PCDHAC1: variants seen among roughly 807,000 people sequenced by gnomAD.
PCDHAC1 encodes the protein protocadherin alpha-C1.
A neutral mutation model predicts 60.0 loss-of-function variants in PCDHAC1; 42 were observed. The observed-to-expected ratio is 0.70, with a 90% confidence interval of 0.55 to 0.90. The LOEUF is 0.90. Among genes scored for constraint, PCDHAC1 ranks in the 40% least tolerant of loss-of-function variants. The probability of loss-of-function intolerance (pLI) is 0.00; values close to 1 mark genes in which losing one functional copy is unlikely to be tolerated. For missense variants in PCDHAC1, 1,160 were observed against 1,222.3 expected, an observed-to-expected ratio of 0.95 and a Z score of 0.76; for synonymous variants, 468 against 499.3, an observed-to-expected ratio of 0.94 and a Z score of 0.84.
intron 1 of PCDHAC1, 154 bp downstream of exon 1, chr5:140,929,479 A>G (rs2086187931): frequency 4.2e-6 from 5 of 1,193,216 alleles, no homozygotes; most frequent in Admixed American, 3.2e-5. Context: ...CTGGAAGTAT[A>G]GAAGTATTAG....
At chr5:141,008,015 T>C (rs2098356412) in intron 3 of PCDHAC1, among the ~76,000 whole-genome samples, 1 of 152,088 alleles carries the variant, frequency 6.6e-6, no homozygotes. Flanking sequence ...TTCTGTTTCC[T>C]TTTTTTTCTT....
intron 2 of PCDHAC1, among the ~76,000 whole-genome samples, chr5:140,980,367 C>A (rs1245361324): frequency 2.6e-5 from 4 of 152,174 alleles, no homozygotes; most frequent in Non-Finnish European, 5.9e-5. Flanking sequence ...CGCGGTGGCT[C>A]ACACCTGTAA....
chr5:140,928,808 G>A lies in PCDHAC1; in HGVS notation c.1916G>A (p.Arg639Gln), dbSNP rs782344407. ...AVKQRVVVVV[R>Q]DHGDPPLSSS... Reference sequence around the variant, plus strand: ...AAGCAGAGGGTGGTGGTAGTGGTTCGGGACCATGGAGACCCACCACTTTCC... The same window carrying A: ...AAGCAGAGGGTGGTGGTAGTGGTTCAGGACCATGGAGACCCACCACTTTCC... Residue 639 changes from arginine (R) to glutamine (Q), a missense_variant, in exon 1 of 4, where the codon CGG becomes CAG. Coordinates refer to ENST00000253807, the MANE Select transcript of PCDHAC1 (RefSeq NM_018898.5). 3 of 1,614,062 alleles carry A rather than the reference G, an allele frequency of 1.9e-6. No individual in the cohort carries two copies. Among genetic ancestry groups the A allele is most frequent in the Non-Finnish European group, 2.5e-6 (3 of 1,180,036 alleles).
chr5:141,005,563 A>G (rs938722871), intron 3 of PCDHAC1, among the ~76,000 whole-genome samples: 4 of 151,458 alleles, frequency 2.6e-5, no homozygotes, highest in East Asian at 1.9e-4. Context: ...TTAGCCGGGC[A>G]TGGTGGCGCG....
chr5:140,996,524 C>A (rs1303736536), intron 3 of PCDHAC1, among the ~76,000 whole-genome samples: 3 of 152,048 alleles, frequency 2.0e-5, no homozygotes, highest in African/African-American at 7.2e-5. Flanking sequence ...TTAGAAAGGC[C>A]CTGTGTGTTT....
In PCDHAC1 at chr5:141,010,735, T is replaced by G. The variant is rs192374006; in HGVS notation, c.*798T>G. On this transcript the variant is annotated 3_prime_UTR_variant, in exon 4 of 4. Coordinates refer to ENST00000253807, the MANE Select transcript of PCDHAC1 (RefSeq NM_018898.5). ...GTGCTCACTTTATTAAAAATTCTTT[T>G]GCACACAATGTTTATGAAAAGGCCA... The G allele has an allele frequency of 6.5e-6, 1 of 154,174 alleles. No individual in the cohort carries two copies. The highest frequency in any genetic ancestry group is 1.5e-5 in the Non-Finnish European group (1 of 68,224). 9.6% of individuals were successfully genotyped at this position (154,174 alleles called of 1,614,324 possible). A position where few individuals can be genotyped will look rare whatever the true frequency, so the allele number is the denominator to read the frequency against.
At position 140,928,697 on chromosome 5, in the gene PCDHAC1, G is replaced by C; in HGVS notation, c.1805G>C (p.Arg602Pro). 5.6e-6 allele frequency: 9 copies of C among 1,614,124 alleles called. No homozygotes were observed. Among genetic ancestry groups the C allele is most frequent in the Non-Finnish European group, 5.9e-6 (7 of 1,180,030 alleles). ...GCCTGGCTTTCCTACCACATCTCCC[G>C]GGCGTCTGACTCTAGTCTCTTTAGA... ...SNAWLSYHIS[R>P]ASDSSLFRIS... Residue 602 changes from arginine to proline, a missense_variant, in exon 1 of 4, where the codon CGG (arginine) becomes CCG (proline). Transcript: ENST00000253807.
chr5:140,994,394 T>C (rs1332946220), intron 3 of PCDHAC1, among the ~76,000 whole-genome samples: 1 of 152,110 alleles, frequency 6.6e-6, no homozygotes, highest in African/African-American at 2.4e-5. Flanking sequence ...AGTCAGAGAT[T>C]ATTTGACATT....
intron 1 of PCDHAC1, among the ~76,000 whole-genome samples, chr5:140,965,456 G>A (rs2095902676): frequency 6.6e-6 from 1 of 151,710 alleles, no homozygotes; most frequent in Admixed American, 6.6e-5. Context: ...GTTATTGTAA[G>A]ATAAATCCCA....
intron 1 of PCDHAC1, among the ~76,000 whole-genome samples, chr5:140,952,614 T>C (rs1381315866): frequency 6.6e-6 from 1 of 152,170 alleles, no homozygotes; most frequent in African/African-American, 2.4e-5. Flanking sequence ...CTCTCCCTCA[T>C]CTTCCCTCCA....
At chr5:140,972,797 G>A (rs1563419152) in intron 1 of PCDHAC1, among the ~76,000 whole-genome samples, 3 of 151,664 alleles carry the variant, frequency 2.0e-5, no homozygotes, top group Admixed American at 2.0e-4. Flanking sequence ...CTGAGTAGCT[G>A]AGATTACAGG....
chr5:140,935,870 T>C (rs1486682424), intron 1 of PCDHAC1, among the ~76,000 whole-genome samples: 1 of 151,620 alleles, frequency 6.6e-6, no homozygotes, highest in East Asian at 1.9e-4. Context: ...TAGCAATTAA[T>C]GAGCTCCAAT....
intron 1 of PCDHAC1, chr5:140,966,880 C>T (rs1554228837): frequency 1.3e-6 from 2 of 1,588,288 alleles, no homozygotes; most frequent in Admixed American, 3.5e-5. Flanking sequence ...TGCTACCTGG[C>T]CCTGCGGCCT....
intron 3 of PCDHAC1, among the ~76,000 whole-genome samples, chr5:140,984,886 C>A (rs1254649508): frequency 1.3e-5 from 2 of 151,720 alleles, no homozygotes; most frequent in Non-Finnish European, 2.9e-5. Context: ...ACCATGAGAA[C>A]TAAAGGAGAA....
chr5:141,009,760 A>G lies in PCDHAC1; in HGVS notation c.2715A>G (p.Gly905=), dbSNP rs782167920. The change falls in exon 4 of 4, where the codon GGA becomes GGG. Residue 905 remains glycine, a synonymous_variant. Coordinates refer to ENST00000253807, the MANE Select transcript of PCDHAC1 (RefSeq NM_018898.5). ...GELPDKFIIP[G]SPAIISIRQE... ...TGCCCGACAAATTCATTATCCCAGGATCTCCTGCAATCATCTCCATCCGGC... is the reference window on the plus strand; with the variant it reads ...TGCCCGACAAATTCATTATCCCAGGGTCTCCTGCAATCATCTCCATCCGGC... 6.2e-7 allele frequency: 1 copy of G among 1,614,130 alleles called. No homozygotes were observed. Among genetic ancestry groups the G allele is most frequent in the Non-Finnish European group, 8.5e-7 (1 of 1,180,026 alleles).
chr5:140,944,999 G>A (rs2093721816), intron 1 of PCDHAC1, among the ~76,000 whole-genome samples: 1 of 151,896 alleles, frequency 6.6e-6, no homozygotes, highest in Non-Finnish European at 1.5e-5. Context: ...TAACGGTTGT[G>A]GGTCATGAAT....
In PCDHAC1 at chr5:141,011,833, C is replaced by T. The variant is rs1223674434; in HGVS notation, c.*1896C>T. 6.5e-6 allele frequency: 1 copy of T among 153,366 alleles called. No individual in the cohort carries two copies. Among genetic ancestry groups the T allele is most frequent in the Non-Finnish European group, 1.5e-5 (1 of 67,994 alleles). 9.5% of individuals were successfully genotyped at this position (153,366 alleles called of 1,614,324 possible). On this transcript the variant is annotated 3_prime_UTR_variant, in exon 4 of 4. Transcript: ENST00000253807. ...TAGAAAGTAACAAAATTTGCTGTCA[C>T]CTTAAATAAGACATTTTAATTTTGT...
chr5:140,968,935 C>T, intron 1 of PCDHAC1: 1 of 1,614,172 alleles, frequency 6.2e-7, no homozygotes, highest in Non-Finnish European at 8.5e-7. Context: ...TTTTGACAAT[C>T]ATCATTTTGA....
At position 141,010,447 on chromosome 5, in the gene PCDHAC1, A is replaced by G. The variant is rs1343052000; in HGVS notation, c.*510A>G. On this transcript the variant is annotated 3_prime_UTR_variant, in exon 4 of 4. Coordinates refer to ENST00000253807, the MANE Select transcript of PCDHAC1 (RefSeq NM_018898.5). Reference sequence around the variant, plus strand: ...GGCAAGAAAACAAAGACAAATAAACAGCGGAAGTTATCAGTATGGAGGGGA... The same window carrying G: ...GGCAAGAAAACAAAGACAAATAAACGGCGGAAGTTATCAGTATGGAGGGGA... 2 of 935,278 alleles carry G rather than the reference A, an allele frequency of 2.1e-6. No homozygotes were observed. Among genetic ancestry groups the G allele is most frequent in the Non-Finnish European group, 3.1e-6 (2 of 648,428 alleles). The allele number at this position is 935,278 out of a possible 1,614,324, so 57.9% of individuals were successfully genotyped here.
Sources: gnomAD v4.1 joint callset for allele counts (sites outside exome capture counted in the v4.1 genomes callset) on GRCh38, gnomAD v4.1.1 for gene constraint, MANE v1.5 for transcripts, NCBI Gene and HGNC (gene_info 2026-07-23, HGNC 2026-07-21) for gene names.